IFT56: variants seen among roughly 807,000 people sequenced by gnomAD.
IFT56 encodes intraflagellar transport protein 56.
At chr7:139,150,121 T>C in the IFT56 span, among the ~76,000 whole-genome samples, 1 of 152,168 alleles carries the variant, frequency 6.6e-6, no homozygotes, top group Non-Finnish European at 1.5e-5. Context: ...TTGCTTAGTA[T>C]ACACTTGAGC....
the IFT56 span, among the ~76,000 whole-genome samples, chr7:139,143,815 C>A: frequency 1.3e-5 from 2 of 151,736 alleles, no homozygotes; most frequent in African/African-American, 4.8e-5. Context: ...ATATATTTAT[C>A]CTCGATTTGC....
chr7:139,150,858 A>G, the IFT56 span, among the ~76,000 whole-genome samples: 1 of 152,238 alleles, frequency 6.6e-6, no homozygotes, highest in East Asian at 1.9e-4. Context: ...TGGCAAATGC[A>G]GATCTCAAAC....
chr7:139,173,676 C>T, the IFT56 span: 2 of 772,782 alleles, frequency 2.6e-6, no homozygotes, highest in East Asian at 2.4e-5. Flanking sequence ...TTCATATTGG[C>T]ATGTGGCATA....
chr7:139,138,847 G>A, the IFT56 span, among the ~76,000 whole-genome samples: 35 of 137,534 alleles, frequency 2.5e-4, no homozygotes, highest in African/African-American at 9.3e-4. Context: ...GTCTTGCTCT[G>A]TCACCCAGGC....
chr7:139,160,904 T>C, the IFT56 span: 1 of 1,471,892 alleles, frequency 6.8e-7, no homozygotes, highest in East Asian at 2.3e-5. Flanking sequence ...GTATAAGAAC[T>C]ATACACTTGT....
chr7:139,157,139 C>CTTTTTTTTTTTTTTTTTTTT, the IFT56 span, among the ~76,000 whole-genome samples: 2 of 82,086 alleles, frequency 2.4e-5, no homozygotes, highest in Non-Finnish European at 5.0e-5. Flanking sequence ...TCTTTAATTT[C>CTTTTTTTTTTTTTTTTTTTT]TTTTTTTTTT....
the IFT56 span, chr7:139,142,188 A>T: frequency 4.6e-6 from 7 of 1,515,528 alleles, no homozygotes; most frequent in Non-Finnish European, 5.5e-6. Flanking sequence ...TCCGAGTCTC[A>T]TTTCATTCCT....
the IFT56 span, among the ~76,000 whole-genome samples, chr7:139,144,494 G>A: frequency 6.6e-6 from 1 of 151,886 alleles, no homozygotes. Context: ...CATAGTGCTT[G>A]CTCGAGGTCT....
At chr7:139,151,335 G>A in the IFT56 span, among the ~76,000 whole-genome samples, 2 of 151,984 alleles carry the variant, frequency 1.3e-5, no homozygotes, top group Non-Finnish European at 2.9e-5. Flanking sequence ...AACAGATGAT[G>A]AAAAAATAGA....
chr7:139,144,597 A>ATATGTATG, the IFT56 span, among the ~76,000 whole-genome samples: 1 of 151,658 alleles, frequency 6.6e-6, no homozygotes, highest in Non-Finnish European at 1.5e-5. Flanking sequence ...GCTCCCAGTA[A>ATATGTATG]TATGTATGTA....
At chr7:139,185,211 G>A in the IFT56 span, among the ~76,000 whole-genome samples, 1 of 151,850 alleles carries the variant, frequency 6.6e-6, no homozygotes, top group South Asian at 2.1e-4. Flanking sequence ...CAAAAAAAAA[G>A]AGTAATTCGG....
chr7:139,169,723 A>G, the IFT56 span, among the ~76,000 whole-genome samples: 1 of 152,204 alleles, frequency 6.6e-6, no homozygotes, highest in East Asian at 1.9e-4. Flanking sequence ...TAAAAATATT[A>G]AAACCAGCCA....
At chr7:139,161,031 C>T in the IFT56 span, 10 of 1,611,986 alleles carry the variant, frequency 6.2e-6, no homozygotes, top group East Asian at 2.2e-5. Flanking sequence ...TGGTGAATAA[C>T]GATTTCCCGT....
chr7:139,139,059 G>A, the IFT56 span, among the ~76,000 whole-genome samples: 95 of 152,174 alleles, frequency 6.2e-4, no homozygotes, highest in Non-Finnish European at 8.8e-4. Context: ...TGATCCGCCC[G>A]CCTCGGCCTC....
chr7:139,165,162 C>T, the IFT56 span: 1 of 1,613,592 alleles, frequency 6.2e-7, no homozygotes, highest in Non-Finnish European at 8.5e-7. Flanking sequence ...AGGGGCTTTG[C>T]AGGTTTTACC....
chr7:139,133,809 G>T, the IFT56 span: 1 of 1,614,048 alleles, frequency 6.2e-7, no homozygotes, highest in Admixed American at 1.7e-5. Context: ...GCGAAACGCT[G>T]AGGCGCGGCC....
chr7:139,171,457 G>C, the IFT56 span, among the ~76,000 whole-genome samples: 1 of 152,210 alleles, frequency 6.6e-6, no homozygotes, highest in Non-Finnish European at 1.5e-5. Context: ...CAGAGCTATA[G>C]TAACCAAAAC....
At chr7:139,173,353 G>A in the IFT56 span, 19 of 466,066 alleles carry the variant, frequency 4.1e-5, no homozygotes, top group Non-Finnish European at 6.5e-5. Flanking sequence ...TCAGCCTCCC[G>A]AGTAGCTGGG....
At chr7:139,179,453 C>A in the IFT56 span, 1 of 684,950 alleles carries the variant, frequency 1.5e-6, no homozygotes, top group Non-Finnish European at 2.6e-6. Context: ...TCTTAGCAGC[C>A]TGTATAGAAT....
Sources: gnomAD v4.1 joint callset for allele counts (sites outside exome capture counted in the v4.1 genomes callset) on GRCh38, gnomAD v4.1.1 for gene constraint, MANE v1.5 for transcripts, NCBI Gene and HGNC (gene_info 2026-07-23, HGNC 2026-07-21) for gene names.